Variants in MED27 observed in about 807,000 individuals in gnomAD.
MED27 encodes mediator of RNA polymerase II transcription subunit 27.
Under a neutral mutation model 38.2 loss-of-function variants are expected in MED27, and 30 were observed. That is an observed-to-expected ratio of 0.79 (90% CI 0.59 to 1.07). MED27 has a LOEUF of 1.07. Ranked by LOEUF, MED27 falls within the 50% of genes least tolerant of loss-of-function variation. MED27 has a pLI of 0.00. For missense variants in MED27, 289 were observed against 397.5 expected (o/e 0.73, Z 2.32); for synonymous variants, 122 against 153.5 (o/e 0.79, Z 1.52).
intron 3 of MED27, among the ~76,000 whole-genome samples, chr9:131,943,526 GCT>G (rs1012398883): frequency 4.6e-5 from 7 of 152,128 alleles, no homozygotes; most frequent in African/African-American, 1.7e-4. Flanking sequence ...GGAACAGTGT[GCT>G]CCCCTCCTAC....
At chr9:132,037,896 A>G (rs895037926) in intron 2 of MED27, among the ~76,000 whole-genome samples, 1 of 152,090 alleles carries the variant, frequency 6.6e-6, no homozygotes, top group Non-Finnish European at 1.5e-5. Context: ...AATGCAGGAT[A>G]TGTCATCTGC....
At chr9:132,018,681 T>C (rs1006732873) in intron 2 of MED27, among the ~76,000 whole-genome samples, 22 of 152,352 alleles carry the variant, frequency 1.4e-4, no homozygotes, top group Admixed American at 2.0e-4. Context: ...CTGGGGTCCC[T>C]GCTACAGCAT....
chr9:131,962,805 A>G (rs1390530074), intron 3 of MED27, among the ~76,000 whole-genome samples: 2 of 152,222 alleles, frequency 1.3e-5, no homozygotes, highest in East Asian at 3.8e-4. Context: ...CTTTTGGAAT[A>G]AAACAGTAAT....
At position 131,862,636 on chromosome 9, in the gene MED27, TGGCTGCTTTGG is replaced by T. The variant is rs1168491167; in HGVS notation, c.801+416_801+426del. ...AGCCGGCTGCAGCACCCCATTGGAA[TGGCTGCTTTGG>T]GGCTGCTATCATCTCGAGCTCCAAC... is the stretch of plus-strand genomic sequence containing the variant. On this transcript the variant is annotated intron_variant, in intron 7 of 7. Coordinates refer to ENST00000292035, the MANE Select transcript of MED27 (RefSeq NM_004269.4). The surrounding 1 kb of genome is among the most constrained non-coding windows in gnomAD (Gnocchi z 4.6). 6.6e-6 allele frequency among the ~76,000 whole-genome samples: 1 copy of T among 152,158 alleles called. No homozygotes were observed.
intron 2 of MED27, among the ~76,000 whole-genome samples, chr9:132,025,383 T>C (rs1832797043): frequency 6.6e-6 from 1 of 152,154 alleles, no homozygotes; most frequent in Non-Finnish European, 1.5e-5. Context: ...GGTTCCTCCA[T>C]GTTGGTAAGG....
chr9:131,996,472 G>A (rs1340262520), intron 3 of MED27, among the ~76,000 whole-genome samples: 1 of 152,218 alleles, frequency 6.6e-6, no homozygotes, highest in Non-Finnish European at 1.5e-5. Flanking sequence ...GGAGGCTATA[G>A]TTGATCTTGA....
At chr9:131,898,145 A>C (rs886957847) in intron 4 of MED27, among the ~76,000 whole-genome samples, 5 of 133,416 alleles carry the variant, frequency 3.7e-5, no homozygotes, top group African/African-American at 1.2e-4. Flanking sequence ...GGGCTATAGT[A>C]GTTTATGGAT....
intron 3 of MED27, among the ~76,000 whole-genome samples, chr9:131,971,099 A>T (rs928366026): frequency 6.6e-6 from 1 of 152,246 alleles, no homozygotes; most frequent in African/African-American, 2.4e-5. Flanking sequence ...AAAGCAAAAA[A>T]GAAAGAAACA....
chr9:131,930,631 A>C (rs1830567781), intron 4 of MED27, among the ~76,000 whole-genome samples: 1 of 152,086 alleles, frequency 6.6e-6, no homozygotes, highest in African/African-American at 2.4e-5. Flanking sequence ...TTCTTCAATC[A>C]GAAAGAAAAG....
intron 4 of MED27, among the ~76,000 whole-genome samples, chr9:131,925,810 G>A (rs1221496454): frequency 6.6e-6 from 1 of 152,238 alleles, no homozygotes. Flanking sequence ...AGGCAGCACA[G>A]GCTGCCAATC....
intron 4 of MED27, among the ~76,000 whole-genome samples, chr9:131,920,678 TTGG>T (rs1458171199): frequency 6.6e-6 from 1 of 152,108 alleles, no homozygotes; most frequent in Non-Finnish European, 1.5e-5. Context: ...TCAGTTGCAC[TTGG>T]TGGTAGAAGA....
chr9:131,955,312 TAAGAA>T (rs1023036635), intron 3 of MED27, among the ~76,000 whole-genome samples: 3 of 150,910 alleles, frequency 2.0e-5, no homozygotes, highest in South Asian at 2.1e-4. Flanking sequence ...AAAGCCTATA[TAAGAA>T]AAGAAAAAAG....
intron 3 of MED27, among the ~76,000 whole-genome samples, chr9:132,000,646 G>A (rs779909440): frequency 1.2e-4 from 18 of 151,900 alleles, no homozygotes; most frequent in Admixed American, 7.2e-4. Flanking sequence ...TCCAATTGGT[G>A]GAATACTATA....
At chr9:131,873,926 C>A (rs1838878802) in intron 6 of MED27, among the ~76,000 whole-genome samples, 1 of 152,192 alleles carries the variant, frequency 6.6e-6, no homozygotes, top group Non-Finnish European at 1.5e-5. Context: ...GCCACTGACG[C>A]CTGAAAGGGA....
At chr9:132,077,327 A>T in intron 2 of MED27, 115 bp downstream of exon 2, 1 of 1,065,200 alleles carries the variant, frequency 9.4e-7, no homozygotes, top group South Asian at 1.6e-5. Context: ...CTATAACCCC[A>T]TGCTGAATCA....
chr9:132,077,100 C>T (rs981857548), intron 2 of MED27, among the ~76,000 whole-genome samples: 1 of 152,184 alleles, frequency 6.6e-6, no homozygotes, highest in Non-Finnish European at 1.5e-5. Flanking sequence ...GCGAACCTGA[C>T]AAAAGCTAGG....
chr9:131,930,665 C>T (rs1204133521), intron 4 of MED27, among the ~76,000 whole-genome samples: 1 of 152,132 alleles, frequency 6.6e-6, no homozygotes, highest in Non-Finnish European at 1.5e-5. Context: ...AATAAGAAAT[C>T]ATCTGAAGGT....
At chr9:132,029,775 G>A (rs1036072695) in intron 2 of MED27, among the ~76,000 whole-genome samples, 1 of 151,854 alleles carries the variant, frequency 6.6e-6, no homozygotes, top group Non-Finnish European at 1.5e-5. Flanking sequence ...CAGAAATCTG[G>A]GAACAAGGCA....
At chr9:132,017,147 T>C (rs1312590610) in intron 2 of MED27, among the ~76,000 whole-genome samples, 1 of 152,178 alleles carries the variant, frequency 6.6e-6, no homozygotes, top group East Asian at 1.9e-4. Context: ...ACCTTTATAA[T>C]GGGAGAAAAG....
Sources: allele counts gnomAD v4.1 joint callset (sites outside exome capture counted in the v4.1 genomes callset), GRCh38; gene constraint gnomAD v4.1.1; non-coding constraint Gnocchi (gnomAD v3.1); transcripts MANE v1.5; gene names NCBI Gene and HGNC (gene_info 2026-07-23, HGNC 2026-07-21).